Variants in CTNND2 observed in about 807,000 individuals in gnomAD.
CTNND2 encodes the protein catenin delta 2.
CTNND2 carries 22 observed loss-of-function variants against 144.4 expected under a neutral mutation model. That is an observed-to-expected ratio of 0.15 (90% CI 0.11 to 0.22). The LOEUF is 0.22. CTNND2 is among the 10% of genes least tolerant of loss of function. The pLI, the probability that CTNND2 is intolerant of heterozygous loss-of-function variation, is 1.00. For missense variants in CTNND2, 1,353 were observed against 1,618.8 expected, an observed-to-expected ratio of 0.84 and a Z score of 2.82; for synonymous variants, 751 against 695.6, an observed-to-expected ratio of 1.08 and a Z score of -1.25.
intron 12 of CTNND2, among the ~76,000 whole-genome samples, chr5:11,139,256 C>T (rs11748599): frequency 0.048 from 7,253 of 152,258 alleles, 273 homozygotes; most frequent in East Asian, 0.089. Flanking sequence ...CGACCACACC[C>T]GGCCAGAAAC....
At chr5:11,190,728 C>T (rs1349068126) in intron 11 of CTNND2, among the ~76,000 whole-genome samples, 1 of 152,140 alleles carries the variant, frequency 6.6e-6, no homozygotes, top group Non-Finnish European at 1.5e-5. Flanking sequence ...TCATCCAGCA[C>T]AGGTAGAGTT....
intron 3 of CTNND2, among the ~76,000 whole-genome samples, chr5:11,526,125 C>T: frequency 6.6e-6 from 1 of 152,172 alleles, no homozygotes; most frequent in African/African-American, 2.4e-5. Flanking sequence ...TGGTCTTGAA[C>T]TCCTGGCCCT....
chr5:11,691,948 T>C (rs1247510734), intron 2 of CTNND2, among the ~76,000 whole-genome samples: 1 of 152,242 alleles, frequency 6.6e-6, no homozygotes, highest in Admixed American at 6.5e-5. Flanking sequence ...ATTTTTTTCA[T>C]GTGCTCAGTG....
intron 3 of CTNND2, among the ~76,000 whole-genome samples, chr5:11,470,980 A>ATTT (rs1171276873): frequency 1.7e-4 from 16 of 91,528 alleles, no homozygotes; most frequent in African/African-American, 6.9e-4. Flanking sequence ...ATATATATAT[A>ATTT]TTTTTTTTTT....
chr5:11,748,244 T>A (rs1465274975), intron 1 of CTNND2, among the ~76,000 whole-genome samples: 1 of 152,082 alleles, frequency 6.6e-6, no homozygotes, highest in Non-Finnish European at 1.5e-5. Context: ...TACATTGACA[T>A]TTTTTACCCG....
At chr5:11,804,930 AG>A (rs1424870365) in intron 1 of CTNND2, among the ~76,000 whole-genome samples, 1 of 152,206 alleles carries the variant, frequency 6.6e-6, no homozygotes, top group Non-Finnish European at 1.5e-5. Context: ...TCACTGAAGA[AG>A]GTGAGAAAAG....
intron 2 of CTNND2, among the ~76,000 whole-genome samples, chr5:11,679,054 A>G (rs1160096542): frequency 6.6e-5 from 10 of 152,204 alleles, no homozygotes; most frequent in Middle Eastern, 3.4e-3. Flanking sequence ...TTTGTTTTTC[A>G]GCATCCCTTT....
intron 3 of CTNND2, among the ~76,000 whole-genome samples, chr5:11,423,399 A>G (rs1276758334): frequency 6.6e-6 from 1 of 152,216 alleles, no homozygotes; most frequent in Non-Finnish European, 1.5e-5. Flanking sequence ...GCAGGAGAAG[A>G]GTACCTAGTT....
intron 7 of CTNND2, among the ~76,000 whole-genome samples, chr5:11,374,927 T>C (rs1232826744): frequency 6.6e-6 from 1 of 152,078 alleles, no homozygotes; most frequent in Non-Finnish European, 1.5e-5. Context: ...TTTGATTATG[T>C]GGCTTCTGCC....
chr5:11,106,919 T>C lies in CTNND2; in HGVS notation c.2463+3939A>G, dbSNP rs200655019. Among the ~76,000 whole-genome samples, 14 of 152,118 alleles carry C rather than the reference T, an allele frequency of 9.2e-5. No individual in the cohort carries two copies. The East Asian group carries it at 2.7e-3, about 30-fold the overall frequency. On this transcript the variant is annotated intron_variant, in intron 14 of 21. Transcript: ENST00000304623. ...CCTGTCTTCTTTCCCCCATTTCTGC[T>C]CCTGAACTGTGGATGTGAAGAGCCA...
At chr5:10,999,541 TTGA>T (rs1739704046) in intron 18 of CTNND2, among the ~76,000 whole-genome samples, 1 of 152,218 alleles carries the variant, frequency 6.6e-6, no homozygotes, top group Non-Finnish European at 1.5e-5. Context: ...ATCCTTCCTA[TTGA>T]TGATAAAGAA....
At chr5:11,137,067 G>A (rs1256615662) in intron 12 of CTNND2, among the ~76,000 whole-genome samples, 2 of 152,224 alleles carry the variant, frequency 1.3e-5, no homozygotes, top group African/African-American at 2.4e-5. Context: ...CCAGCAGCTA[G>A]TACAGTGTCT....
chr5:11,620,890 T>A (rs983360333), intron 2 of CTNND2, among the ~76,000 whole-genome samples: 1 of 152,164 alleles, frequency 6.6e-6, no homozygotes, highest in African/African-American at 2.4e-5. Context: ...CTGAATAGTC[T>A]ATTTAGTGCT....
intron 3 of CTNND2, among the ~76,000 whole-genome samples, chr5:11,488,381 AT>A (rs750607282): frequency 2.6e-5 from 4 of 152,126 alleles, no homozygotes; most frequent in Non-Finnish European, 5.9e-5. Context: ...TTGCCCCACC[AT>A]TTGAGAAAAC....
chr5:11,715,080 T>G (rs1222628981), intron 2 of CTNND2, among the ~76,000 whole-genome samples: 2 of 152,152 alleles, frequency 1.3e-5, no homozygotes, highest in Non-Finnish European at 2.9e-5. Context: ...GTTTCTGTCT[T>G]AGAGTGAATT....
intron 1 of CTNND2, among the ~76,000 whole-genome samples, chr5:11,745,541 TCTAG>T (rs1402521873): frequency 6.6e-6 from 1 of 152,210 alleles, no homozygotes; most frequent in Non-Finnish European, 1.5e-5. Context: ...GATGTCTACC[TCTAG>T]CTGAGACCTC....
intron 3 of CTNND2, among the ~76,000 whole-genome samples, chr5:11,532,427 C>T (rs562569378): frequency 1.5e-4 from 23 of 151,888 alleles, no homozygotes; most frequent in Admixed American, 5.3e-4. Context: ...TAATTTCCAA[C>T]ATTTTTGAGA....
chr5:11,445,041 G>A (rs1764679814), intron 3 of CTNND2, among the ~76,000 whole-genome samples: 1 of 152,158 alleles, frequency 6.6e-6, no homozygotes, highest in Non-Finnish European at 1.5e-5. Context: ...ACATAAACTG[G>A]GTGCTTCATA....
chr5:11,639,551 A>G (rs1781886400), intron 2 of CTNND2, among the ~76,000 whole-genome samples: 1 of 152,228 alleles, frequency 6.6e-6, no homozygotes, highest in Non-Finnish European at 1.5e-5. Context: ...CTCTAATACG[A>G]TATTAACATT....
Sources: allele counts gnomAD v4.1 joint callset (sites outside exome capture counted in the v4.1 genomes callset), GRCh38; gene constraint gnomAD v4.1.1; transcripts MANE v1.5; gene names NCBI Gene and HGNC (gene_info 2026-07-23, HGNC 2026-07-21).